Variants in HEMGN observed in about 807,000 individuals in gnomAD.
The protein encoded by HEMGN is hemogen.
HEMGN carries 32 observed loss-of-function variants against 45.7 expected under a neutral mutation model. That is an observed-to-expected ratio of 0.70 (90% CI 0.53 to 0.94). The LOEUF (loss-of-function observed/expected upper bound fraction) is 0.94, where lower values mean the gene tolerates loss of function less well. Among genes scored for constraint, HEMGN ranks in the 40% least tolerant of loss-of-function variants. The pLI, the probability that HEMGN is intolerant of heterozygous loss-of-function variation, is 0.00. For missense variants in HEMGN, 530 were observed against 564.2 expected, an observed-to-expected ratio of 0.94 and a Z score of 0.61; for synonymous variants, 183 against 178.6, an observed-to-expected ratio of 1.02 and a Z score of -0.20.
At position 97,930,439 on chromosome 9, in the gene HEMGN, G is replaced by T; in HGVS notation, c.956C>A (p.Ala319Asp). ...DLSTKTHQESAEPKYLPHKTC... is the reference protein window; with the variant it reads ...DLSTKTHQESDEPKYLPHKTC... ...TTTATGAGGAAGGTATTTAGGTTCA[G>T]CTGATTCTTGGTGTGTTTTTGTAGA... is the stretch of plus-strand genomic sequence containing the variant. The change falls in exon 3 of 4, where the codon GCT becomes GAT. Residue 319 changes from alanine (A) to aspartate (D), a missense_variant. Ala to Asp is a moderately radical substitution (Grantham distance 126). Coordinates refer to ENST00000616898, the MANE Select transcript of HEMGN (RefSeq NM_197978.3). 3 of 1,614,146 alleles carry T rather than the reference G, an allele frequency of 1.9e-6. No individual in the cohort carries two copies. Among genetic ancestry groups the T allele is most frequent in the Non-Finnish European group, 2.5e-6 (3 of 1,180,010 alleles).
Position 97,931,221 on chromosome 9 carries a change from T to C in HEMGN, c.174A>G (p.Gly58=). 6.3e-7 allele frequency: 1 copy of C among 1,592,522 alleles called. No individual in the cohort carries two copies. The highest frequency in any genetic ancestry group is 8.5e-7 in the Non-Finnish European group (1 of 1,173,478). ...TCTGCTGCTTGCGTTTTTTCTGTTC[T>C]CTGCAGAAAGAACAGAATTAGTGTC... The part of the protein sequence containing the change: ...HEKETSQWLF[G]EQKKRKQQRT... Residue 58 remains glycine, a splice_region_variant and synonymous_variant, in exon 3 of 4, where the codon GGA becomes GGG. Coordinates refer to ENST00000616898, the MANE Select transcript of HEMGN (RefSeq NM_197978.3).
upstream of HEMGN, among the ~76,000 whole-genome samples, chr9:97,939,754 T>G (rs1703381537): frequency 2.0e-5 from 3 of 152,298 alleles, no homozygotes; most frequent in South Asian, 6.2e-4. Context: ...CACCCAAGTA[T>G]CTGCCACTAA....
intron 1 of HEMGN, among the ~76,000 whole-genome samples, chr9:97,937,500 C>G (rs1212815547): frequency 3.3e-5 from 5 of 151,912 alleles, no homozygotes; most frequent in Non-Finnish European, 7.4e-5. Context: ...ATTATTAGAC[C>G]CACCACTGGA....
Position 97,927,176 on chromosome 9 carries a change from C to T in HEMGN, c.*208G>A, listed in dbSNP as rs10984401. On this transcript the variant is annotated 3_prime_UTR_variant, in exon 4 of 4. Coordinates refer to ENST00000616898, the MANE Select transcript of HEMGN (RefSeq NM_197978.3). Reference sequence around the variant, plus strand: ...CCCGACCTATACATACATACACACACACACACACACACACACACACACATT... The same window carrying T: ...CCCGACCTATACATACATACACACATACACACACACACACACACACACATT... The T allele has an allele frequency of 5.1e-6, 1 of 197,534 alleles. No homozygotes were observed. The highest frequency in any genetic ancestry group is 1.1e-5 in the Non-Finnish European group (1 of 92,626). The allele number at this position is 197,534 out of a possible 1,614,324, so 12.2% of individuals were successfully genotyped here. A position where few individuals can be genotyped will look rare whatever the true frequency, so the allele number is the denominator to read the frequency against.
chr9:97,929,274 T>G (rs1826897214), intron 3 of HEMGN, among the ~76,000 whole-genome samples: 1 of 152,244 alleles, frequency 6.6e-6, no homozygotes, highest in Non-Finnish European at 1.5e-5. Flanking sequence ...TGGTATTACT[T>G]GGAAACCAAC....
rs1366108519 is a variant in HEMGN at position 97,927,408 on chromosome 9, A to T, written c.1431T>A (p.Asp477Glu). 6.2e-7 allele frequency: 1 copy of T among 1,607,062 alleles called. No individual in the cohort carries two copies. Among genetic ancestry groups the T allele is most frequent in the Non-Finnish European group, 8.5e-7 (1 of 1,174,780 alleles). ...GTTAAAACAAAACATAACTATAGACATCATTTTCTGGATGACTCTCATTCA... is the reference window on the plus strand; with the variant it reads ...GTTAAAACAAAACATAACTATAGACTTCATTTTCTGGATGACTCTCATTCA... ...AILNESHPENDVYSYVLF is the reference protein window; with the variant it reads ...AILNESHPENEVYSYVLF Residue 477 changes from aspartate to glutamate, a missense_variant, in exon 4 of 4, where the codon GAT becomes GAA. Physicochemically the swap from Asp to Glu is conservative, Grantham distance 45. Coordinates refer to ENST00000616898, the MANE Select transcript of HEMGN (RefSeq NM_197978.3).
chr9:97,927,171 A>G lies in HEMGN; in HGVS notation c.*213T>C. ...CTCTCCCCGACCTATACATACATAC[A>G]CACACACACACACACACACACACAC... On this transcript the variant is annotated 3_prime_UTR_variant, in exon 4 of 4. Transcript: ENST00000616898. The G allele has an allele frequency of 1.3e-5, 1 of 74,150 alleles. No homozygotes were observed. The highest frequency in any genetic ancestry group is 2.3e-5 in the Non-Finnish European group (1 of 42,898). The allele number at this position is 74,150 out of a possible 1,614,324, so 4.6% of individuals were successfully genotyped here. A position where few individuals can be genotyped will look rare whatever the true frequency, so the allele number is the denominator to read the frequency against.
intron 3 of HEMGN, among the ~76,000 whole-genome samples, chr9:97,928,494 G>T (rs916464902): frequency 6.6e-6 from 1 of 152,128 alleles, no homozygotes; most frequent in East Asian, 1.9e-4. Flanking sequence ...TTTGGGTACC[G>T]TTTGGCCCAA....
intron 3 of HEMGN, among the ~76,000 whole-genome samples, chr9:97,929,258 C>A (rs1826896683): frequency 6.6e-6 from 1 of 152,154 alleles, no homozygotes; most frequent in East Asian, 1.9e-4. Flanking sequence ...AGTAGTTCTT[C>A]AAAACTGGTA....
exon 1 of HEMGN, chr9:97,944,782 C>G (rs533090779): frequency 6.6e-6 from 1 of 152,114 alleles, no homozygotes; most frequent in Non-Finnish European, 1.5e-5. Context: ...CCTGTTTTGC[C>G]GTGAATCTTT....
In HEMGN at chr9:97,930,654, A is replaced by G; in HGVS notation, c.741T>C (p.Ser247=). 1.9e-6 allele frequency: 3 copies of G among 1,614,202 alleles called. No individual in the cohort carries two copies. The highest frequency in any genetic ancestry group is 2.5e-6 in the Non-Finnish European group (3 of 1,180,034). Residue 247 remains serine (S), a synonymous_variant, in exon 3 of 4, where the codon TCT becomes TCC. Coordinates refer to ENST00000616898, the MANE Select transcript of HEMGN (RefSeq NM_197978.3). ...AVPKILPCPT[S]EDTADLAGCS... ...ATCCTGCCAGATCAGCTGTGTCTTC[A>G]GATGTTGGACAAGGAAGGATTTTGG... is the stretch of plus-strand genomic sequence containing the variant.
rs1170547000 is a variant in HEMGN at position 97,930,733 on chromosome 9, T to A, written c.662A>T (p.Asp221Val). 1 of 1,614,224 alleles carries A rather than the reference T, an allele frequency of 6.2e-7. No homozygotes were observed. Among genetic ancestry groups the A allele is most frequent in the African/African-American group, 1.3e-5 (1 of 75,064 alleles). ...IQDHPFKMYQDMAKREDLAPK... is the reference protein window; with the variant it reads ...IQDHPFKMYQVMAKREDLAPK... ...AGCCAGATCTTCTCGTTTAGCCATA[T>A]CTTGGTACATTTTGAAAGGATGGTC... is the stretch of plus-strand genomic sequence containing the variant. Residue 221 changes from aspartate to valine, a missense_variant, in exon 3 of 4, where the codon GAT (aspartate) becomes GTT (valine). Coordinates refer to ENST00000616898, the MANE Select transcript of HEMGN (RefSeq NM_197978.3).
At chr9:97,936,352 T>C (rs1345797653) in intron 1 of HEMGN, 88 bp from the exon 2 acceptor site, 2 of 830,836 alleles carry the variant, frequency 2.4e-6, no homozygotes, top group Non-Finnish European at 4.1e-6. Context: ...GAGTCTCTGT[T>C]CTAGGTTTTT....
At chr9:97,936,919 C>T (rs1827071896) in intron 1 of HEMGN, among the ~76,000 whole-genome samples, 1 of 151,910 alleles carries the variant, frequency 6.6e-6, no homozygotes, top group African/African-American at 2.4e-5. Context: ...TTTTCAAGTT[C>T]TTTGGAAAAT....
In HEMGN at chr9:97,930,688, G is replaced by C; in HGVS notation, c.707C>G (p.Ala236Gly). 6.2e-7 allele frequency: 1 copy of C among 1,614,158 alleles called. No individual in the cohort carries two copies. Among genetic ancestry groups the C allele is most frequent in the Non-Finnish European group, 8.5e-7 (1 of 1,180,014 alleles). The change falls in exon 3 of 4, where the codon GCT becomes GGT. Residue 236 changes from alanine (A) to glycine (G), a missense_variant. Ala to Gly is a moderately conservative substitution (Grantham distance 60, BLOSUM62 0). Coordinates refer to ENST00000616898, the MANE Select transcript of HEMGN (RefSeq NM_197978.3). ...EDLAPKMCQE[A>G]AVPKILPCPT... Reference sequence around the variant, plus strand: ...ACAAGGAAGGATTTTGGGTACAGCAGCTTCTTGGCACATTTTAGGAGCCAG... The same window carrying C: ...ACAAGGAAGGATTTTGGGTACAGCACCTTCTTGGCACATTTTAGGAGCCAG...
At position 97,930,554 on chromosome 9, in the gene HEMGN, G is replaced by T. The variant is rs1455323897; in HGVS notation, c.841C>A (p.Pro281Thr). 3 of 1,614,050 alleles carry T rather than the reference G, an allele frequency of 1.9e-6. No homozygotes were observed. The highest frequency in any genetic ancestry group is 2.2e-5 in the South Asian group (2 of 91,080). ...TGATCTGTTTCATTGTATTCCTCTG[G>T]TTCTGCTGGATTTTGGTCTGTGTCA... ...ILDTDQNPAE[P>T]EEYNETDQGI... Residue 281 changes from proline (P) to threonine (T), a missense_variant, in exon 3 of 4, where the codon CCA (proline) becomes ACA (threonine). Transcript: ENST00000616898.
chr9:97,940,390 T>C (rs965803796), upstream of HEMGN, among the ~76,000 whole-genome samples: 1 of 152,084 alleles, frequency 6.6e-6, no homozygotes, highest in Non-Finnish European at 1.5e-5. Context: ...GTGGAGGGAC[T>C]GTAAGAGGGT....
intron 2 of HEMGN, among the ~76,000 whole-genome samples, chr9:97,933,146 A>T (rs553336526): frequency 6.6e-6 from 1 of 152,340 alleles, no homozygotes; most frequent in East Asian, 1.9e-4. Flanking sequence ...TAACCTCTAC[A>T]TGCCTTGGTT....
At chr9:97,929,481 G>A (rs556405948) in intron 3 of HEMGN, among the ~76,000 whole-genome samples, 13 of 152,206 alleles carry the variant, frequency 8.5e-5, no homozygotes, top group African/African-American at 2.6e-4. Context: ...ATTAAAGAAA[G>A]GTTGCATTAT....
Sources: allele counts gnomAD v4.1 joint callset (sites outside exome capture counted in the v4.1 genomes callset), GRCh38; gene constraint gnomAD v4.1.1; transcripts MANE v1.5; gene names NCBI Gene and HGNC (gene_info 2026-07-23, HGNC 2026-07-21).